PARD3: variants seen among roughly 807,000 people sequenced by gnomAD.
PARD3 encodes the protein partitioning defective 3 homolog.
Under a neutral mutation model 155.4 loss-of-function variants are expected in PARD3, and 75 were observed. The observed-to-expected ratio is 0.48, with a 90% CI of 0.40 to 0.58. The LOEUF (loss-of-function observed/expected upper bound fraction) is 0.58. Among genes scored for constraint, PARD3 ranks in the 20% least tolerant of loss-of-function variants. PARD3 has a pLI of 0.00. For missense variants in PARD3, 1,642 were observed against 1,721.7 expected, an observed-to-expected ratio of 0.95 and a Z score of 0.82; for synonymous variants, 576 against 610.5, an observed-to-expected ratio of 0.94 and a Z score of 0.83.
At chr10:34,236,964 A>G (rs1953273029) in intron 22 of PARD3, among the ~76,000 whole-genome samples, 1 of 152,168 alleles carries the variant, frequency 6.6e-6, no homozygotes, top group African/African-American at 2.4e-5. Flanking sequence ...ATAAAATTAG[A>G]TCCTCTACAA....
chr10:34,621,931 G>C (rs117954377), intron 2 of PARD3, among the ~76,000 whole-genome samples: 1 of 152,314 alleles, frequency 6.6e-6, no homozygotes, highest in Non-Finnish European at 1.5e-5. Context: ...AACAGTCCAT[G>C]TAAGTTGAAG....
chr10:34,312,435 C>T, intron 20 of PARD3: 1 of 1,588,368 alleles, frequency 6.3e-7, no homozygotes, highest in Non-Finnish European at 8.6e-7. Context: ...AGGAAAGCAA[C>T]AAGAATCTGT....
At chr10:34,390,166 T>C (rs910677919) in intron 7 of PARD3, among the ~76,000 whole-genome samples, 4 of 152,234 alleles carry the variant, frequency 2.6e-5, no homozygotes, top group African/African-American at 9.6e-5. Context: ...GCATATTTAT[T>C]CTCAGCTAGT....
chr10:34,304,098 A>G (rs1211326655), intron 20 of PARD3, among the ~76,000 whole-genome samples: 3 of 152,176 alleles, frequency 2.0e-5, no homozygotes, highest in Non-Finnish European at 4.4e-5. Context: ...GTTCTGGAGC[A>G]GGGATGGCTG....
intron 22 of PARD3, among the ~76,000 whole-genome samples, chr10:34,186,282 C>T (rs1282562312): frequency 6.6e-6 from 1 of 151,576 alleles, no homozygotes; most frequent in African/African-American, 2.4e-5. Flanking sequence ...ATGGCTTGAG[C>T]CCAGGAGTTC....
chr10:34,781,022 A>G (rs888525213), intron 1 of PARD3, among the ~76,000 whole-genome samples: 5 of 152,154 alleles, frequency 3.3e-5, no homozygotes, highest in African/African-American at 1.2e-4. Context: ...ACTTTCCTTG[A>G]ACTTGGAGCA....
At chr10:34,177,286 G>A (rs1238795418) in intron 22 of PARD3, among the ~76,000 whole-genome samples, 1 of 152,098 alleles carries the variant, frequency 6.6e-6, no homozygotes, top group Non-Finnish European at 1.5e-5. Flanking sequence ...GCTGTGCACC[G>A]CTTTGACCCC....
intron 1 of PARD3, among the ~76,000 whole-genome samples, chr10:34,707,253 AAAAAG>A (rs1442989879): frequency 6.6e-6 from 1 of 151,698 alleles, no homozygotes; most frequent in Non-Finnish European, 1.5e-5. Flanking sequence ...TCAAAAAAAA[AAAAAG>A]AAAAGAAGAA....
intron 5 of PARD3, among the ~76,000 whole-genome samples, chr10:34,416,058 T>C (rs1480873184): frequency 6.6e-6 from 1 of 152,182 alleles, no homozygotes; most frequent in Non-Finnish European, 1.5e-5. Flanking sequence ...AGTTAGGTAA[T>C]CCATCTCCTG....
intron 1 of PARD3, among the ~76,000 whole-genome samples, chr10:34,787,777 T>C (rs1203654246): frequency 6.7e-6 from 1 of 149,480 alleles, no homozygotes; most frequent in Non-Finnish European, 1.5e-5. Context: ...CAACATCCTT[T>C]TTTTTTTTTT....
intron 1 of PARD3, among the ~76,000 whole-genome samples, chr10:34,730,103 T>C (rs2094790737): frequency 6.6e-6 from 1 of 152,186 alleles, no homozygotes; most frequent in Admixed American, 6.5e-5. Context: ...TATCCTCACC[T>C]AAAATATTTT....
intron 2 of PARD3, among the ~76,000 whole-genome samples, chr10:34,607,097 T>C (rs1429465854): frequency 6.6e-6 from 1 of 152,006 alleles, no homozygotes; most frequent in Non-Finnish European, 1.5e-5. Flanking sequence ...CAAATCTTAA[T>C]CTTTGGGGGC....
intron 19 of PARD3, among the ~76,000 whole-genome samples, chr10:34,322,741 A>G (rs949917055): frequency 3.9e-5 from 6 of 152,208 alleles, no homozygotes; most frequent in African/African-American, 1.4e-4. Context: ...AAGAAGCATC[A>G]TTAAATACTC....
chr10:34,673,787 T>C (rs1353805952), intron 2 of PARD3, among the ~76,000 whole-genome samples: 2 of 151,682 alleles, frequency 1.3e-5, no homozygotes, highest in African/African-American at 2.4e-5. Context: ...AGACAGGAAA[T>C]TGAGACCAGT....
chr10:34,644,228 C>T (rs2092766162), intron 2 of PARD3, among the ~76,000 whole-genome samples: 1 of 152,196 alleles, frequency 6.6e-6, no homozygotes, highest in Non-Finnish European at 1.5e-5. Context: ...CCTAAGACTG[C>T]AGCCCAGGGG....
At chr10:34,350,914 C>T (rs1467302905) in intron 14 of PARD3, among the ~76,000 whole-genome samples, 1 of 152,094 alleles carries the variant, frequency 6.6e-6, no homozygotes. Context: ...GCTACAGTAA[C>T]TTGGAAATAT....
chr10:34,382,476 T>C, intron 9 of PARD3, 64 bp downstream of exon 9: 1 of 1,525,024 alleles, frequency 6.6e-7, no homozygotes, highest in Non-Finnish European at 8.9e-7. Context: ...AAATTCCATT[T>C]CTACCCTTGT....
chr10:34,404,901 T>C (rs927022276), intron 5 of PARD3, among the ~76,000 whole-genome samples: 4 of 151,994 alleles, frequency 2.6e-5, no homozygotes, highest in Admixed American at 2.0e-4. Flanking sequence ...CTGGGCAACG[T>C]AGCAAGACTC....
intron 5 of PARD3, among the ~76,000 whole-genome samples, chr10:34,406,869 G>C (rs1274016746): frequency 6.6e-6 from 1 of 152,020 alleles, no homozygotes; most frequent in Non-Finnish European, 1.5e-5. Context: ...GTATCCATTT[G>C]GTTATGCAGT....
Sources: gnomAD v4.1 joint callset for allele counts (sites outside exome capture counted in the v4.1 genomes callset) on GRCh38, gnomAD v4.1.1 for gene constraint, MANE v1.5 for transcripts, NCBI Gene and HGNC (gene_info 2026-07-23, HGNC 2026-07-21) for gene names.